SLC17A9: variants seen among roughly 807,000 people sequenced by gnomAD.
SLC17A9 encodes voltage-gated purine nucleotide uniporter SLC17A9.
In SLC17A9, 49 loss-of-function variants were observed where a neutral mutation model predicts 55.0. That is an observed-to-expected ratio of 0.89 (90% CI 0.71 to 1.13). The LOEUF (loss-of-function observed/expected upper bound fraction) is 1.13. SLC17A9 is among the 50% of genes most tolerant of loss of function. The pLI is 0.00. For missense variants in SLC17A9, 526 were observed against 569.3 expected, an observed-to-expected ratio of 0.92 and a Z score of 0.77; for synonymous variants, 256 against 247.4, an observed-to-expected ratio of 1.03 and a Z score of -0.32.
chr20:62,963,878 G>A (rs2065611607), intron 7 of SLC17A9, 198 bp downstream of exon 7: 2 of 609,370 alleles, frequency 3.3e-6, no homozygotes, highest in Admixed American at 5.9e-5. Context: ...GTTTGAGGCT[G>A]GAAATGATGC....
At chr20:62,966,481 C>G (rs375760608) in intron 10 of SLC17A9, 44 bp from the exon 11 acceptor site, 2 of 1,594,490 alleles carry the variant, frequency 1.3e-6, no homozygotes, top group Non-Finnish European at 1.7e-6. Context: ...GCCACCAGCT[C>G]GGTGGTGGCC....
Position 62,957,558 on chromosome 20 carries a change from C to A in SLC17A9, c.375C>A (p.Arg125=). The part of the protein sequence containing the change: ...SAHLAFMTFS[R]ILMGLLQGVY... ...ACCTGGCCTTCATGACCTTCTCACG[C>A]ATCCTCATGGGCTTGCTCCAAGGTA... Residue 125 remains arginine (R), a synonymous_variant, in exon 3 of 13, where the codon CGC becomes CGA. Coordinates refer to ENST00000370351, the MANE Select transcript of SLC17A9 (RefSeq NM_022082.4). 1.3e-6 allele frequency: 2 copies of A among 1,585,854 alleles called. No individual in the cohort carries two copies. Among genetic ancestry groups the A allele is most frequent in the Non-Finnish European group, 1.7e-6 (2 of 1,167,772 alleles).
rs1394004194 is a variant in SLC17A9, at chr20:62,957,516, C to A, written c.333C>A (p.Ala111=). Residue 111 remains alanine, a synonymous_variant, in exon 3 of 13, where the codon GCC becomes GCA. Coordinates refer to ENST00000370351, the MANE Select transcript of SLC17A9 (RefSeq NM_022082.4). ...GSITAVTPLL[A]HLSSAHLAFM... ...TCACGGCCGTCACCCCACTGCTCGC[C>A]CACCTGAGCAGTGCCCACCTGGCCT... The A allele has an allele frequency of 1.2e-6, 2 of 1,609,912 alleles. No individual in the cohort carries two copies. Among genetic ancestry groups the A allele is most frequent in the African/African-American group, 2.7e-5 (2 of 74,826 alleles).
At chr20:62,966,409 T>C (rs2065639131) in intron 10 of SLC17A9, 116 bp from the exon 11 acceptor site, 1 of 1,185,084 alleles carries the variant, frequency 8.4e-7, no homozygotes, top group Non-Finnish European at 1.2e-6. Context: ...CCTGAGCGTG[T>C]CCCAGCCCCT....
At chr20:62,953,139 C>T in intron 1 of SLC17A9, 4 of 1,515,558 alleles carry the variant, frequency 2.6e-6, no homozygotes, top group Non-Finnish European at 3.6e-6. Context: ...TCCTGGGGCT[C>T]TTCCAGGCAG....
chr20:62,956,892 G>A lies in SLC17A9; in HGVS notation c.187G>A (p.Gly63Ser), dbSNP rs372148850. The change falls in exon 2 of 13, where the codon GGC becomes AGC. Residue 63 changes from glycine (G) to serine (S), a missense_variant. By Grantham distance (56) the Gly-to-Ser change is moderately conservative. Transcript: ENST00000370351. ...QDFGWNKKEA[G>S]IVLSSFFWGY... Reference sequence around the variant, plus strand: ...CTTCGGCTGGAACAAGAAGGAGGCCGGCATCGTGCTCAGCAGCTTCTTCTG... The same window carrying A: ...CTTCGGCTGGAACAAGAAGGAGGCCAGCATCGTGCTCAGCAGCTTCTTCTG... 203 of 1,613,654 alleles carry A rather than the reference G, an allele frequency of 1.3e-4. 4 individuals carry two copies. Among genetic ancestry groups the A allele is most frequent in the South Asian group, 9.7e-4 (88 of 91,084 alleles).
chr20:62,953,043 G>T, intron 1 of SLC17A9, 154 bp downstream of exon 1: 1 of 1,186,846 alleles, frequency 8.4e-7, no homozygotes, highest in South Asian at 1.5e-5. Context: ...CCTTGTGGGA[G>T]GTGGAAGGAA....
At chr20:62,960,168 T>G (rs576566464) in intron 3 of SLC17A9, among the ~76,000 whole-genome samples, 2 of 152,270 alleles carry the variant, frequency 1.3e-5, no homozygotes, top group African/African-American at 4.8e-5. Context: ...CAGGCGCATG[T>G]GTGTGTGTTG....
chr20:62,963,289 G>A lies in SLC17A9; in HGVS notation c.645G>A (p.Leu215=). ...CTCCCTCAGATCTCATCCTGGCCTT[G>A]GGTGTCCTGGCCCAAAGCCGGCCGG... is the stretch of plus-strand genomic sequence containing the variant. ...LLSEKDLILA[L]GVLAQSRPVS... Residue 215 remains leucine, a synonymous_variant, in exon 6 of 13, where the codon TTG becomes TTA. Transcript: ENST00000370351. The A allele has an allele frequency of 3.1e-6, 5 of 1,613,748 alleles. No individual in the cohort carries two copies. The highest frequency in any genetic ancestry group is 4.2e-6 in the Non-Finnish European group (5 of 1,180,026).
chr20:62,959,662 G>A (rs1219072752), intron 3 of SLC17A9, among the ~76,000 whole-genome samples: 3 of 152,256 alleles, frequency 2.0e-5, no homozygotes, highest in East Asian at 3.9e-4. Context: ...AACGGGCCCT[G>A]CCTCTGAGCC....
rs1333390920 is a variant in SLC17A9, at chr20:62,957,599, G to T, written c.397+19G>T. The T allele has an allele frequency of 2.7e-6, 4 of 1,508,460 alleles. No homozygotes were observed. Among genetic ancestry groups the T allele is most frequent in the Non-Finnish European group, 3.5e-6 (4 of 1,127,726 alleles). 93.4% of individuals were successfully genotyped at this position (1,508,460 alleles called of 1,614,324 possible). A position where few individuals can be genotyped will look rare whatever the true frequency, so the allele number is the denominator to read the frequency against. ...CTCCAAGGTAAGGGGAGCTCAGGCGGCTCCCTCACGCTCTCTGGCACCAGG... is the reference window on the plus strand; with the variant it reads ...CTCCAAGGTAAGGGGAGCTCAGGCGTCTCCCTCACGCTCTCTGGCACCAGG... On this transcript the variant is annotated intron_variant, in intron 3 of 12. Transcript: ENST00000370351.
chr20:62,956,101 C>T (rs1428086964), intron 1 of SLC17A9, among the ~76,000 whole-genome samples: 3 of 152,258 alleles, frequency 2.0e-5, no homozygotes, highest in African/African-American at 7.2e-5. Context: ...GTGACCTGTT[C>T]TTGCCTCTGA....
rs2065541933 is a variant in SLC17A9 at position 62,956,937 on chromosome 20, G to A, written c.232G>A (p.Val78Ile). The A allele has an allele frequency of 6.2e-7, 1 of 1,613,494 alleles. No homozygotes were observed. The highest frequency in any genetic ancestry group is 1.1e-5 in the South Asian group (1 of 91,090). ...SFFWGYCLTQ[V>I]VGGHLGDRIG... ...CTTCTGGGGCTACTGCCTGACACAG[G>A]TTGTGGGCGGCCACCTCGGGGATCG... The change falls in exon 2 of 13, where the codon GTT becomes ATT. Residue 78 changes from valine to isoleucine, a missense_variant. Physicochemically the swap from Val to Ile is conservative, Grantham distance 29. Transcript: ENST00000370351.
At chr20:62,959,248 G>A (rs1018620644) in intron 3 of SLC17A9, among the ~76,000 whole-genome samples, 18 of 152,212 alleles carry the variant, frequency 1.2e-4, no homozygotes, top group Non-Finnish European at 2.2e-4. Flanking sequence ...GGCTGTCCTC[G>A]TGGGCAGCTC....
rs762705825 is a variant in SLC17A9 at position 62,967,668 on chromosome 20, A to T, written c.*168A>T. ...AGAAGAGTCCACAACAGCTGGTGGGAGGGTGGGGTGGGCCTGGGTCCAGAC... is the reference window on the plus strand; with the variant it reads ...AGAAGAGTCCACAACAGCTGGTGGGTGGGTGGGGTGGGCCTGGGTCCAGAC... On this transcript the variant is annotated 3_prime_UTR_variant, in exon 13 of 13. Transcript: ENST00000370351. 7.9e-5 allele frequency: 8 copies of T among 101,690 alleles called. No homozygotes were observed. The highest frequency in any genetic ancestry group is 1.2e-4 in the Non-Finnish European group (6 of 51,988). The allele number at this position is 101,690 out of a possible 1,614,324, so 6.3% of individuals were successfully genotyped here.
rs199653809 is a variant in SLC17A9, at chr20:62,964,262, C to T, written c.857C>T (p.Ala286Val). 3,295 of 1,614,204 alleles carry T rather than the reference C, an allele frequency of 2.0e-3. 8 individuals are homozygous for T. Among genetic ancestry groups the T allele is most frequent in the Non-Finnish European group, 2.5e-3 (2,937 of 1,180,022 alleles). ...WIFNVVPWLV[A>V]IPASLFSGFL... ...TTCAACGTGGTTCCTTGGTTGGTGG[C>T]GATTCCGGCCAGTCTATTCAGCGGG... The change falls in exon 8 of 13, where the codon GCG becomes GTG. Residue 286 changes from alanine (A) to valine (V), a missense_variant. By Grantham distance (64) the Ala-to-Val change is moderately conservative. Transcript: ENST00000370351.
chr20:62,954,736 T>C (rs1228670208), intron 1 of SLC17A9, among the ~76,000 whole-genome samples: 1 of 152,208 alleles, frequency 6.6e-6, no homozygotes, highest in Admixed American at 6.5e-5. Flanking sequence ...CCTGCCCAGC[T>C]CAGAGAAGGG....
chr20:62,960,503 G>A lies in SLC17A9; in HGVS notation c.398-1G>A. Reference sequence around the variant, plus strand: ...AGAGACCCTCCCTCCACTTGTTGCAGGGGTTTACTTCCCTGCCCTGACCAG... The same window carrying A: ...AGAGACCCTCCCTCCACTTGTTGCAAGGGTTTACTTCCCTGCCCTGACCAG... On this transcript the variant is annotated splice_acceptor_variant, in intron 3 of 12. Coordinates refer to ENST00000370351, the MANE Select transcript of SLC17A9 (RefSeq NM_022082.4). LOFTEE classifies it high-confidence loss of function. 1 of 1,612,162 alleles carries A rather than the reference G, an allele frequency of 6.2e-7. No homozygotes were observed. The highest frequency in any genetic ancestry group is 8.5e-7 in the Non-Finnish European group (1 of 1,179,520).
rs780604535 is a variant in SLC17A9 at position 62,960,574 on chromosome 20, C to T, written c.468C>T (p.Tyr156=). The T allele has an allele frequency of 9.9e-6, 16 of 1,613,408 alleles. No homozygotes were observed. Among genetic ancestry groups the T allele is most frequent in the Middle Eastern group, 3.3e-4 (2 of 6,084 alleles). Residue 156 remains tyrosine (Y), a synonymous_variant, in exon 4 of 13, where the codon TAC becomes TAT. Coordinates refer to ENST00000370351, the MANE Select transcript of SLC17A9 (RefSeq NM_022082.4). ...KVRESERAFT[Y]SIVGAGSQFG... ...GGGAGAGTGAGCGAGCCTTCACCTA[C>T]AGCATCGTGGGCGCCGGCTCCCAGT...
Sources: gnomAD v4.1 joint callset for allele counts (sites outside exome capture counted in the v4.1 genomes callset) on GRCh38, gnomAD v4.1.1 for gene constraint, MANE v1.5 for transcripts, NCBI Gene and HGNC (gene_info 2026-07-23, HGNC 2026-07-21) for gene names.